Variants in SNED1 observed in about 807,000 individuals in gnomAD.
The protein encoded by SNED1 is sushi, nidogen and EGF like domains 1, also known as sushi, nidogen and EGF-like domain-containing protein 1.
SNED1 carries 81 observed loss-of-function variants against 166.7 expected under a neutral mutation model. The observed-to-expected ratio is 0.49, with a 90% CI of 0.41 to 0.58. SNED1 has a LOEUF of 0.58. Among genes scored for constraint, SNED1 ranks in the 20% least tolerant of loss-of-function variants. SNED1 has a pLI of 0.00. For missense variants in SNED1, 1,604 were observed against 2,000.2 expected (o/e 0.80, Z 3.78); for synonymous variants, 762 against 822.0 (o/e 0.93, Z 1.25).
chr2:241,082,203 G>T, intron 28 of SNED1, 74 bp from the exon 29 acceptor site: 1 of 1,263,538 alleles, frequency 7.9e-7, no homozygotes, highest in Non-Finnish European at 1.1e-6. Context: ...CCTCTCCCTT[G>T]GGCAAGGCCT....
chr2:241,087,807 C>T (rs954366177), intron 30 of SNED1: 4 of 762,246 alleles, frequency 5.2e-6, no homozygotes, highest in South Asian at 5.4e-5. Flanking sequence ...TATAGCGCGT[C>T]GCTCTTTACT....
upstream of SNED1, among the ~76,000 whole-genome samples, chr2:240,998,199 C>T (rs1033928557): frequency 7.9e-5 from 12 of 152,270 alleles, no homozygotes; most frequent in Non-Finnish European, 1.3e-4. Flanking sequence ...CGGGGTTAGT[C>T]TGCCCCTGTG....
intron 30 of SNED1, chr2:241,087,715 G>T (rs531428691): frequency 1.5e-6 from 2 of 1,357,984 alleles, no homozygotes; most frequent in Admixed American, 3.5e-5. Context: ...GGTCACTCTG[G>T]TTATGCATAT....
At chr2:241,074,104 T>C (rs75959408) in intron 27 of SNED1, 2,446 of 152,316 alleles carry the variant, frequency 0.016, 65 homozygotes, top group African/African-American at 0.055. Flanking sequence ...TAGACTCAGA[T>C]TGGGATCACC....
chr2:241,069,516 GGCTT>G lies in SNED1; in HGVS notation c.3308-403_3308-400del, dbSNP rs554269648. 2.8e-3 allele frequency among the ~76,000 whole-genome samples: 423 copies of G among 152,302 alleles called. 4 individuals carry two copies. Among genetic ancestry groups the G allele is most frequent in the African/African-American group, 9.7e-3 (405 of 41,558 alleles). ...TGCAGCTCCCTCTGTGAGGAACAGA[GGCTT>G]AAGCAGACCCCTGCCCACCTGTGCA... On this transcript the variant is annotated intron_variant, in intron 23 of 31. Transcript: ENST00000310397. This position sits in a 1 kb window ranked among gnomAD's most constrained non-coding sequence, Gnocchi z 4.9.
intron 29 of SNED1, among the ~76,000 whole-genome samples, chr2:241,083,212 T>G (rs2063415628): frequency 6.6e-6 from 1 of 152,092 alleles, no homozygotes; most frequent in African/African-American, 2.4e-5. Flanking sequence ...AGGGCGATGC[T>G]GAACAGACAT....
At chr2:241,012,411 C>T (rs1574861403) in intron 1 of SNED1, among the ~76,000 whole-genome samples, 3 of 152,258 alleles carry the variant, frequency 2.0e-5, no homozygotes, top group Admixed American at 2.0e-4. Context: ...CCCTGCATCG[C>T]CACCCCAGGG....
At chr2:241,090,593 C>T (rs944897313) in intron 31 of SNED1, 3 of 972,572 alleles carry the variant, frequency 3.1e-6, no homozygotes. Context: ...CCAGCATCAC[C>T]ACAAACACAA....
intron 8 of SNED1, chr2:241,040,750 TG>T (rs2061500848): frequency 2.1e-6 from 1 of 474,852 alleles, no homozygotes; most frequent in East Asian, 6.4e-5. Flanking sequence ...TCTTCCAGCC[TG>T]GGTGACTCTT....
intron 1 of SNED1, among the ~76,000 whole-genome samples, chr2:241,023,495 A>AAG (rs397873073): frequency 3.9e-5 from 6 of 151,918 alleles, no homozygotes; most frequent in African/African-American, 1.2e-4. Context: ...AAAAAAAAAA[A>AAG]TGTTCCATTT....
intron 1 of SNED1, among the ~76,000 whole-genome samples, chr2:241,027,197 C>T (rs1371471923): frequency 6.6e-6 from 1 of 152,050 alleles, no homozygotes; most frequent in African/African-American, 2.4e-5. Context: ...CCTTGTGCTT[C>T]AGCCTCCTGA....
intron 16 of SNED1, among the ~76,000 whole-genome samples, chr2:241,059,491 G>C (rs1575017429): frequency 6.6e-6 from 1 of 152,256 alleles, no homozygotes; most frequent in African/African-American, 2.4e-5. Context: ...AAAATTTGAA[G>C]TTACAGACTG....
intron 1 of SNED1, among the ~76,000 whole-genome samples, chr2:241,003,348 T>A (rs970725651): frequency 3.3e-5 from 5 of 152,160 alleles, no homozygotes; most frequent in Non-Finnish European, 7.3e-5. Context: ...GGTGGTGCCC[T>A]GGTGAAGGAC....
intron 6 of SNED1, among the ~76,000 whole-genome samples, chr2:241,037,686 TG>T (rs1296280374): frequency 1.3e-5 from 2 of 152,166 alleles, no homozygotes; most frequent in Non-Finnish European, 2.9e-5. Context: ...GGGAGCCCGC[TG>T]GGGATGTGGT....
rs1347984402 is a variant in SNED1, at chr2:241,023,335, AT to A, written c.214-6946del. ...ATATTTCTGTTTTCTTTTTGCCTCC[AT>A]TTCCTGGTGATTAGAATTTATATTT... On this transcript the variant is annotated intron_variant, in intron 1 of 31. Transcript: ENST00000310397. Among the ~76,000 whole-genome samples, 7 of 151,264 alleles carry A rather than the reference AT, an allele frequency of 4.6e-5. 1 individual carries two copies. The highest frequency in any genetic ancestry group is 7.4e-5 in the Non-Finnish European group (5 of 67,840).
intron 1 of SNED1, among the ~76,000 whole-genome samples, chr2:241,004,164 G>A (rs879624107): frequency 2.6e-5 from 4 of 152,232 alleles, no homozygotes; most frequent in Non-Finnish European, 5.9e-5. Flanking sequence ...ATGTATATAG[G>A]TAGTGGGCAC....
intron 21 of SNED1, among the ~76,000 whole-genome samples, chr2:241,067,167 G>A (rs1285778674): frequency 6.6e-6 from 1 of 152,212 alleles, no homozygotes; most frequent in African/African-American, 2.4e-5. Context: ...ATGGTGGGTG[G>A]AAGGGACCGC....
chr2:241,030,173 G>A (rs1447054722), intron 1 of SNED1, 111 bp from the exon 2 acceptor site: 8 of 1,059,564 alleles, frequency 7.6e-6, no homozygotes, highest in Non-Finnish European at 8.1e-6. Context: ...CCCTGCCCAG[G>A]ACTGGCTTCC....
intron 2 of SNED1, among the ~76,000 whole-genome samples, chr2:241,031,246 C>T (rs1450419072): frequency 2.0e-5 from 3 of 152,136 alleles, no homozygotes; most frequent in Non-Finnish European, 4.4e-5. Flanking sequence ...CTCACTGCAA[C>T]CTCCACCTCC....
Sources: allele counts gnomAD v4.1 joint callset (sites outside exome capture counted in the v4.1 genomes callset), GRCh38; gene constraint gnomAD v4.1.1; non-coding constraint Gnocchi (gnomAD v3.1); transcripts MANE v1.5; gene names NCBI Gene and HGNC (gene_info 2026-07-23, HGNC 2026-07-21).